DOCK6: variants seen among roughly 807,000 people sequenced by gnomAD.
DOCK6 encodes dedicator of cytokinesis protein 6.
Under a neutral mutation model 230.3 loss-of-function variants are expected in DOCK6, and 167 were observed. That is an observed-to-expected ratio of 0.73 (90% CI 0.64 to 0.82). The LOEUF is 0.82. DOCK6 is among the 40% of genes least tolerant of loss of function. The pLI is 0.00. For synonymous variants in DOCK6, 1,148 were observed against 1,185.0 expected, an observed-to-expected ratio of 0.97 and a Z score of 0.64; for missense variants, 2,598 against 2,825.8, an observed-to-expected ratio of 0.92 and a Z score of 1.83.
At chr19:11,214,514 GGGCTCAGAGCACAA>G in intron 33 of DOCK6, 25 bp downstream of exon 33, 1 of 1,613,356 alleles carries the variant, frequency 6.2e-7, no homozygotes, top group Non-Finnish European at 8.5e-7. Context: ...CACTGCAGTT[GGGCTCAGAGCACAA>G]GGCAGATGCT....
chr19:11,245,440 G>A, intron 9 of DOCK6, 123 bp downstream of exon 9: 1 of 1,099,866 alleles, frequency 9.1e-7, no homozygotes, highest in East Asian at 2.6e-5. Flanking sequence ...CTCCCTGCCT[G>A]TGTTTCCCCC....
chr19:11,202,696 G>A lies in DOCK6; in HGVS notation c.5249C>T (p.Thr1750Met), dbSNP rs1228534491. 3.7e-6 allele frequency: 6 copies of A among 1,613,850 alleles called. No homozygotes were observed. The highest frequency in any genetic ancestry group is 5.1e-6 in the Non-Finnish European group (6 of 1,179,908). The change falls in exon 42 of 48, where the codon ACG (threonine) becomes ATG (methionine). Residue 1750 changes from threonine (T) to methionine (M), a missense_variant. Thr to Met is a moderately conservative substitution (Grantham distance 81, BLOSUM62 -1). Coordinates refer to ENST00000294618, the MANE Select transcript of DOCK6 (RefSeq NM_020812.4). This position sits in a 1 kb window ranked among gnomAD's most constrained non-coding sequence, Gnocchi z 5.3. The part of the protein sequence containing the change: ...QSSGWERVFG[T>M]YFRVGFYGAH... The stretch of plus-strand genomic sequence containing the variant: ...GCCGTAGAAGCCCACGCGGAAATAC[G>A]TCCCGAACACGCGCTGGGGCTGTGA...
rs2079144463 is a variant in DOCK6 at position 11,200,165 on chromosome 19, A to C, written c.6101+143T>G. On this transcript the variant is annotated intron_variant, in intron 47 of 47. Coordinates refer to ENST00000294618, the MANE Select transcript of DOCK6 (RefSeq NM_020812.4). This position sits in a 1 kb window ranked among gnomAD's most constrained non-coding sequence, Gnocchi z 4.3. ...GAGTCTCTCAAAAAAAAAAACAAAA[A>C]AAAAACCGGAAACAAAACAAAGTCC... 3.2e-6 allele frequency: 3 copies of C among 930,866 alleles called. No individual in the cohort carries two copies. Among genetic ancestry groups the C allele is most frequent in the East Asian group, 2.8e-5 (1 of 36,036 alleles). 57.7% of individuals were successfully genotyped at this position (930,866 alleles called of 1,614,324 possible). A position where few individuals can be genotyped will look rare whatever the true frequency, so the allele number is the denominator to read the frequency against.
intron 22 of DOCK6, among the ~76,000 whole-genome samples, chr19:11,231,226 C>T (rs1048244478): frequency 1.3e-5 from 2 of 152,276 alleles, no homozygotes; most frequent in Non-Finnish European, 2.9e-5. Context: ...CCTCTCTGTG[C>T]GTACAGTCCT....
intron 9 of DOCK6, among the ~76,000 whole-genome samples, chr19:11,245,013 C>T (rs1176577672): frequency 6.6e-6 from 1 of 152,168 alleles, no homozygotes; most frequent in Non-Finnish European, 1.5e-5. Flanking sequence ...CAGTGGGACC[C>T]TATCCACTCT....
rs750499245 is a variant in DOCK6, at chr19:11,202,375, A to G, written c.5451+19T>C. On this transcript the variant is annotated intron_variant, in intron 43 of 47. Coordinates refer to ENST00000294618, the MANE Select transcript of DOCK6 (RefSeq NM_020812.4). This position sits in a 1 kb window ranked among gnomAD's most constrained non-coding sequence, Gnocchi z 5.3. Reference sequence around the variant, plus strand: ...TCTCTGTGAATCTAAGATTTTGGGGAAATGGTTGGGGGACCCACCTTTTGT... The same window carrying G: ...TCTCTGTGAATCTAAGATTTTGGGGGAATGGTTGGGGGACCCACCTTTTGT... 8.1e-6 allele frequency: 13 copies of G among 1,611,342 alleles called. No homozygotes were observed. The highest frequency in any genetic ancestry group is 1.1e-5 in the Non-Finnish European group (13 of 1,178,704).
chr19:11,238,382 G>A, intron 14 of DOCK6, 78 bp from the exon 15 acceptor site: 2 of 1,357,922 alleles, frequency 1.5e-6, no homozygotes, highest in Non-Finnish European at 2.0e-6. Context: ...GATGGGACAA[G>A]GCTGGCTGGG....
Position 11,253,667 on chromosome 19 carries a change from G to C in DOCK6, c.104C>G (p.Ser35Cys), listed in dbSNP as rs1267945904. ...VSRERSGSPHSSRRCSSSLGV... is the reference protein window; with the variant it reads ...VSRERSGSPHCSRRCSSSLGV... ...CAGGGAGCTGCTGCAGCGCCTGCTGGAGTGGGGGGAGCCACTGCGTTCCCG... is the reference window on the plus strand; with the variant it reads ...CAGGGAGCTGCTGCAGCGCCTGCTGCAGTGGGGGGAGCCACTGCGTTCCCG... The change falls in exon 2 of 48, where the codon TCC becomes TGC. Residue 35 changes from serine to cysteine, a missense_variant. Coordinates refer to ENST00000294618, the MANE Select transcript of DOCK6 (RefSeq NM_020812.4). The C allele has an allele frequency of 4.8e-6, 7 of 1,461,060 alleles. No individual in the cohort carries two copies. The highest frequency in any genetic ancestry group is 6.3e-6 in the Non-Finnish European group (7 of 1,113,094). 90.5% of individuals were successfully genotyped at this position (1,461,060 alleles called of 1,614,324 possible).
chr19:11,213,237 A>T lies in DOCK6; in HGVS notation c.4430T>A (p.Ile1477Asn), dbSNP rs765581399. 1.2e-6 allele frequency: 2 copies of T among 1,613,118 alleles called. No individual in the cohort carries two copies. Among genetic ancestry groups the T allele is most frequent in the Admixed American group, 1.7e-5 (1 of 60,022 alleles). Residue 1477 changes from isoleucine (I) to asparagine (N), a missense_variant, in exon 35 of 48, where the codon ATC becomes AAC. Physicochemically the swap from Ile to Asn is moderately radical, Grantham distance 149. Coordinates refer to ENST00000294618, the MANE Select transcript of DOCK6 (RefSeq NM_020812.4). ...LRHCGSRIST[I>N]RTHASASLYL... is the part of the protein sequence containing the mutation. The stretch of plus-strand genomic sequence containing the variant: ...CAGCGAGGCGCTGGCGTGCGTGCGG[A>T]TGGTGCTGATGCGGCTGCCACAGTG...
At chr19:11,244,623 G>A (rs770189873) in intron 9 of DOCK6, among the ~76,000 whole-genome samples, 52 of 152,034 alleles carry the variant, frequency 3.4e-4, no homozygotes, top group South Asian at 8.3e-4. Context: ...ACTACGTCCC[G>A]CTAATTTTTG....
chr19:11,210,121 A>G (rs1295737414), intron 37 of DOCK6, among the ~76,000 whole-genome samples: 1 of 115,850 alleles, frequency 8.6e-6, no homozygotes, highest in African/African-American at 3.5e-5. Context: ...TCACCTGTCT[A>G]TCCCCTTACC....
At position 11,252,823 on chromosome 19, in the gene DOCK6, G is replaced by A. The variant is rs777212600; in HGVS notation, c.268C>T (p.Arg90Trp). 8.7e-6 allele frequency: 14 copies of A among 1,613,366 alleles called. No individual in the cohort carries two copies. Among genetic ancestry groups the A allele is most frequent in the Non-Finnish European group, 1.1e-5 (13 of 1,179,624 alleles). The change falls in exon 3 of 48, where the codon CGG (arginine) becomes TGG (tryptophan). Residue 90 changes from arginine (R) to tryptophan (W), a missense_variant. Physicochemically the swap from Arg to Trp is moderately radical, Grantham distance 101. Coordinates refer to ENST00000294618, the MANE Select transcript of DOCK6 (RefSeq NM_020812.4). ...CCGGGCTCCGTGGTCCGGCATTCCCGGGGCTGCAGCAGCAGCTCCAAGTCA... is the reference window on the plus strand; with the variant it reads ...CCGGGCTCCGTGGTCCGGCATTCCCAGGGCTGCAGCAGCAGCTCCAAGTCA... The part of the protein sequence containing the change: ...ADDLELLLQP[R>W]ECRTTEPGIP...
At position 11,202,992 on chromosome 19, in the gene DOCK6, TCTCA is replaced by T. The variant is rs2079196791; in HGVS notation, c.5236-287_5236-284del. Among the ~76,000 whole-genome samples, 2 of 152,126 alleles carry T rather than the reference TCTCA, an allele frequency of 1.3e-5. No individual in the cohort carries two copies. The highest frequency in any genetic ancestry group is 4.8e-5 in the African/African-American group (2 of 41,422). On this transcript the variant is annotated intron_variant, in intron 41 of 47. Coordinates refer to ENST00000294618, the MANE Select transcript of DOCK6 (RefSeq NM_020812.4). This position sits in a 1 kb window ranked among gnomAD's most constrained non-coding sequence, Gnocchi z 5.3. The stretch of plus-strand genomic sequence containing the variant: ...ATGGCTGAGGAGAGGGATGGCTGTC[TCTCA>T]CTCTAGGATGGAGGCTCTGCCTCCT...
At position 11,236,837 on chromosome 19, in the gene DOCK6, C is replaced by T. The variant is rs374220764; in HGVS notation, c.2116G>A (p.Val706Met). Residue 706 changes from valine (V) to methionine (M), a missense_variant, in exon 19 of 48, where the codon GTG becomes ATG. By Grantham distance (21) the Val-to-Met change is conservative. Coordinates refer to ENST00000294618, the MANE Select transcript of DOCK6 (RefSeq NM_020812.4). The surrounding 1 kb of genome is among the most constrained non-coding windows in gnomAD (Gnocchi z 5.2). The part of the protein sequence containing the change: ...GMRWVDGHKG[V>M]FSVELTAVSS... Reference sequence around the variant, plus strand: ...ACGGCTGTGAGCTCCACACTGAACACGCCCTTGTGACCGTCCACCCAGCGC... The same window carrying T: ...ACGGCTGTGAGCTCCACACTGAACATGCCCTTGTGACCGTCCACCCAGCGC... The T allele has an allele frequency of 5.8e-5, 91 of 1,555,802 alleles. No individual in the cohort carries two copies. Among genetic ancestry groups the T allele is most frequent in the Non-Finnish European group, 7.4e-5 (85 of 1,149,880 alleles).
intron 14 of DOCK6, chr19:11,239,968 C>G (rs570216272): frequency 6.4e-7 from 1 of 1,558,826 alleles, no homozygotes; most frequent in South Asian, 1.2e-5. Context: ...GTGGGGTGGC[C>G]AGGAGTCCAA....
At chr19:11,211,967 C>A in intron 36 of DOCK6, 26 bp downstream of exon 36, 2 of 827,498 alleles carry the variant, frequency 2.4e-6, no homozygotes, top group African/African-American at 1.8e-5. Context: ...GAAGGGGAGG[C>A]GGGGCGGGGA....
intron 37 of DOCK6, among the ~76,000 whole-genome samples, chr19:11,211,161 A>C (rs2079377894): frequency 6.8e-6 from 1 of 147,410 alleles, no homozygotes; most frequent in East Asian, 2.1e-4. Context: ...CCCCTGCCCC[A>C]CCTTTTCATT....
At chr19:11,240,235 T>C (rs763215748) in intron 14 of DOCK6, 2 of 1,578,750 alleles carry the variant, frequency 1.3e-6, no homozygotes, top group East Asian at 2.3e-5. Context: ...GTGCAGCGGC[T>C]AGAAGTCCAG....
At position 11,245,996 on chromosome 19, in the gene DOCK6, G is replaced by A. The variant is rs954738250; in HGVS notation, c.807-118C>T. 3.5e-5 allele frequency: 39 copies of A among 1,115,766 alleles called. 1 individual carries two copies. Among genetic ancestry groups the A allele is most frequent in the South Asian group, 2.4e-4 (16 of 67,854 alleles). The allele number at this position is 1,115,766 out of a possible 1,614,324, so 69.1% of individuals were successfully genotyped here. On this transcript the variant is annotated intron_variant, in intron 7 of 47. Coordinates refer to ENST00000294618, the MANE Select transcript of DOCK6 (RefSeq NM_020812.4). ...GACTCCCACTGGGCCACATGGAACC[G>A]CCACTTAAGGGCTTGCAGAAAAGGT... is the stretch of plus-strand genomic sequence containing the variant.
Sources: gnomAD v4.1 joint callset for allele counts (sites outside exome capture counted in the v4.1 genomes callset) on GRCh38, gnomAD v4.1.1 for gene constraint, Gnocchi (gnomAD v3.1) non-coding constraint, MANE v1.5 for transcripts, NCBI Gene and HGNC (gene_info 2026-07-23, HGNC 2026-07-21) for gene names.